The following WDR76 variants were observed in gnomAD, a reference collection of about 807,000 sequenced individuals.
WDR76 encodes WD repeat-containing protein 76.
A neutral mutation model predicts 70.2 loss-of-function variants in WDR76; 52 were observed. That is an observed-to-expected ratio of 0.74 (90% CI 0.59 to 0.93). The LOEUF (loss-of-function observed/expected upper bound fraction) is 0.93, where lower values mean the gene tolerates loss of function less well. Ranked by LOEUF, WDR76 falls within the 40% of genes least tolerant of loss-of-function variation. The pLI is 0.00. For missense variants in WDR76, 756 were observed against 760.2 expected, an observed-to-expected ratio of 0.99 and a Z score of 0.07; for synonymous variants, 292 against 271.1, an observed-to-expected ratio of 1.08 and a Z score of -0.76.
At chr15:43,855,924 T>A (rs2140310578) in intron 9 of WDR76, among the ~76,000 whole-genome samples, 1 of 152,268 alleles carries the variant, frequency 6.6e-6, no homozygotes, top group East Asian at 1.9e-4. Context: ...CTGTTGTTCA[T>A]TCCCATTATC....
chr15:43,858,243 G>GTTT (rs5812252), intron 10 of WDR76, among the ~76,000 whole-genome samples: 3 of 143,426 alleles, frequency 2.1e-5, no homozygotes, highest in Non-Finnish European at 3.1e-5. Context: ...AGAGAGTTCT[G>GTTT]TTTTTTTTTT....
At chr15:43,849,072 G>A (rs1169271613) in intron 8 of WDR76, among the ~76,000 whole-genome samples, 2 of 150,914 alleles carry the variant, frequency 1.3e-5, no homozygotes, top group Non-Finnish European at 2.9e-5. Context: ...CGACTCAGGA[G>A]GCTGAGACAG....
At chr15:43,839,535 T>C in intron 4 of WDR76, 70 bp from the exon 5 acceptor site, 4 of 1,463,750 alleles carry the variant, frequency 2.7e-6, no homozygotes, top group Non-Finnish European at 3.7e-6. Flanking sequence ...CTAGAAGTTA[T>C]CTCTTTAGTA....
intron 5 of WDR76, among the ~76,000 whole-genome samples, chr15:43,840,719 C>T (rs940970549): frequency 1.3e-5 from 2 of 151,990 alleles, no homozygotes; most frequent in African/African-American, 2.4e-5. Context: ...TGGTTCATGC[C>T]TGTAATCCCA....
At chr15:43,850,004 T>C (rs1262973661) in intron 8 of WDR76, among the ~76,000 whole-genome samples, 1 of 152,132 alleles carries the variant, frequency 6.6e-6, no homozygotes, top group African/African-American at 2.4e-5. Context: ...ATTTTTTCTC[T>C]TATTTTTTCT....
In WDR76 at chr15:43,844,014, C is replaced by T. The variant is rs1305279180; in HGVS notation, c.992C>T (p.Ala331Val). The change falls in exon 8 of 13, where the codon GCA becomes GTA. Residue 331 changes from alanine to valine, a missense_variant. Physicochemically the swap from Ala to Val is moderately conservative, Grantham distance 64. Coordinates refer to ENST00000263795, the MANE Select transcript of WDR76 (RefSeq NM_024908.4). ...LHPSETRTLV[A>V]VGAKFGQVGL... is the part of the protein sequence containing the mutation. ...CCATCAGAAACTAGAACTTTGGTAG[C>T]AGTTGGGGCCAAATTTGGGCAAGTT... The T allele has an allele frequency of 6.2e-7, 1 of 1,613,454 alleles. No homozygotes were observed. Among genetic ancestry groups the T allele is most frequent in the Non-Finnish European group, 8.5e-7 (1 of 1,179,806 alleles).
chr15:43,850,242 AT>A (rs773319265), intron 8 of WDR76, among the ~76,000 whole-genome samples: 4 of 151,600 alleles, frequency 2.6e-5, no homozygotes, highest in Non-Finnish European at 5.9e-5. Context: ...GGAAATTCAA[AT>A]ACATGCATTT....
intron 9 of WDR76, among the ~76,000 whole-genome samples, chr15:43,855,783 A>G (rs967386960): frequency 6.6e-6 from 1 of 151,760 alleles, no homozygotes; most frequent in Non-Finnish European, 1.5e-5. Context: ...CAGGAGGCGG[A>G]GATTGCATTG....
intron 8 of WDR76, among the ~76,000 whole-genome samples, chr15:43,846,568 GCCA>G (rs1567187376): frequency 2.2e-5 from 3 of 135,102 alleles, no homozygotes; most frequent in Non-Finnish European, 5.3e-5. Flanking sequence ...ACAGGTGTGA[GCCA>G]CCACACCCAT....
chr15:43,828,587 C>T (rs567617582), intron 2 of WDR76, among the ~76,000 whole-genome samples: 5 of 152,318 alleles, frequency 3.3e-5, no homozygotes, highest in African/African-American at 1.2e-4. Flanking sequence ...AAAGGATTGA[C>T]TTAATCTTTA....
chr15:43,832,196 T>C (rs1191624765), intron 2 of WDR76, among the ~76,000 whole-genome samples: 5 of 152,206 alleles, frequency 3.3e-5, no homozygotes, highest in African/African-American at 4.8e-5. Flanking sequence ...ATTCTGATTC[T>C]GGATTCTTTG....
intron 4 of WDR76, among the ~76,000 whole-genome samples, chr15:43,838,337 G>C (rs2087683439): frequency 6.6e-6 from 1 of 151,998 alleles, no homozygotes; most frequent in Non-Finnish European, 1.5e-5. Flanking sequence ...AGGTGCTCAT[G>C]ACCATGCTCT....
At chr15:43,832,590 C>T (rs1177174697) in intron 2 of WDR76, among the ~76,000 whole-genome samples, 1 of 151,810 alleles carries the variant, frequency 6.6e-6, no homozygotes. Context: ...GGACTACAGG[C>T]ATGCGCCACC....
rs1224630157 is a variant in WDR76 at position 43,858,659 on chromosome 15, C to T, written c.1410-12C>T. 5 of 1,612,232 alleles carry T rather than the reference C, an allele frequency of 3.1e-6. No homozygotes were observed. Among genetic ancestry groups the T allele is most frequent in the Admixed American group, 1.7e-5 (1 of 59,726 alleles). The stretch of plus-strand genomic sequence containing the variant: ...ACTATGGCAACATTGATCATTGTTT[C>T]TCCCATTACAGGGATACTCATATTT... On this transcript the variant is annotated splice_polypyrimidine_tract_variant and intron_variant, in intron 10 of 12. Coordinates refer to ENST00000263795, the MANE Select transcript of WDR76 (RefSeq NM_024908.4).
At chr15:43,847,669 C>T (rs1279926237) in intron 8 of WDR76, among the ~76,000 whole-genome samples, 3 of 152,102 alleles carry the variant, frequency 2.0e-5, no homozygotes, top group Non-Finnish European at 4.4e-5. Context: ...AATCCACCCG[C>T]CTCGGCCTCC....
intron 4 of WDR76, among the ~76,000 whole-genome samples, chr15:43,838,066 G>C (rs2087679976): frequency 6.6e-6 from 1 of 151,928 alleles, no homozygotes; most frequent in Admixed American, 6.6e-5. Context: ...TAGTAGACGG[G>C]GTTTCACCGT....
At chr15:43,833,356 T>C (rs1421506062) in intron 2 of WDR76, among the ~76,000 whole-genome samples, 53 of 150,512 alleles carry the variant, frequency 3.5e-4, no homozygotes, top group African/African-American at 1.3e-3. Flanking sequence ...TCTGGCTCTG[T>C]TGCCCAGAGT....
At position 43,843,861 on chromosome 15, in the gene WDR76, T is replaced by C. The variant is rs556549479; in HGVS notation, c.879-40T>C. On this transcript the variant is annotated intron_variant, in intron 7 of 12. Transcript: ENST00000263795. ...CTTTTACTTATTTTGACTATTGAGA[T>C]TGGTTTTACTTACAAAATTTAACTT... The C allele has an allele frequency of 4.7e-6, 7 of 1,497,104 alleles. No individual in the cohort carries two copies. The East Asian group carries it at 1.2e-4, about 25-fold the overall frequency. The allele number at this position is 1,497,104 out of a possible 1,614,324, so 92.7% of individuals were successfully genotyped here.
intron 9 of WDR76, 86 bp from the exon 10 acceptor site, chr15:43,856,860 T>C: frequency 2.5e-6 from 3 of 1,199,196 alleles, no homozygotes; most frequent in Non-Finnish European, 3.5e-6. Flanking sequence ...GTAAAGTGTT[T>C]TATAACCCTT....
Sources: gnomAD v4.1 joint callset for allele counts (sites outside exome capture counted in the v4.1 genomes callset) on GRCh38, gnomAD v4.1.1 for gene constraint, MANE v1.5 for transcripts, NCBI Gene and HGNC (gene_info 2026-07-23, HGNC 2026-07-21) for gene names.